The following PARD3B variants were observed in gnomAD, a reference collection of about 807,000 sequenced individuals.
The protein encoded by PARD3B is par-3 family cell polarity regulator beta.
Under a neutral mutation model 130.2 loss-of-function variants are expected in PARD3B, and 103 were observed. The observed-to-expected ratio is 0.79, with a 90% CI of 0.67 to 0.93. The LOEUF (loss-of-function observed/expected upper bound fraction) is 0.93, where lower values mean the gene tolerates loss of function less well. PARD3B is among the 40% of genes least tolerant of loss of function. The probability of loss-of-function intolerance (pLI) is 0.00; values close to 1 mark genes in which losing one functional copy is unlikely to be tolerated. For missense variants in PARD3B, 1,609 were observed against 1,499.2 expected (o/e 1.07, Z -1.21); for synonymous variants, 583 against 553.2 (o/e 1.05, Z -0.76).
intron 16 of PARD3B, among the ~76,000 whole-genome samples, chr2:205,250,049 C>T (rs138028551): frequency 2.8e-4 from 42 of 151,768 alleles, no homozygotes; most frequent in African/African-American, 7.2e-4. Context: ...AAATTTAGCA[C>T]AGCTTTTTTT....
At chr2:204,884,855 C>T (rs969403969) in intron 2 of PARD3B, among the ~76,000 whole-genome samples, 1 of 152,110 alleles carries the variant, frequency 6.6e-6, no homozygotes, top group African/African-American at 2.4e-5. Flanking sequence ...TATATATGTA[C>T]CATATTTTCT....
chr2:205,598,148 C>G (rs749520666), intron 22 of PARD3B, among the ~76,000 whole-genome samples: 4 of 152,116 alleles, frequency 2.6e-5, no homozygotes, highest in African/African-American at 9.7e-5. Context: ...TAAACACTCC[C>G]GTTTAAAAGG....
At chr2:204,952,568 A>G (rs1057084399) in intron 2 of PARD3B, among the ~76,000 whole-genome samples, 28 of 152,228 alleles carry the variant, frequency 1.8e-4, no homozygotes, top group African/African-American at 6.8e-4. Context: ...TGCAAAAATA[A>G]AAGACAACTT....
At chr2:205,129,702 G>A (rs2031813683) in intron 10 of PARD3B, among the ~76,000 whole-genome samples, 1 of 152,180 alleles carries the variant, frequency 6.6e-6, no homozygotes, top group South Asian at 2.1e-4. Context: ...GCACTGCACT[G>A]CCTAGTTTCC....
At chr2:204,997,565 G>C (rs1423080420) in intron 3 of PARD3B, among the ~76,000 whole-genome samples, 1 of 152,070 alleles carries the variant, frequency 6.6e-6, no homozygotes, top group African/African-American at 2.4e-5. Context: ...AAATTCAGTT[G>C]ATTTTTTTAA....
intron 2 of PARD3B, among the ~76,000 whole-genome samples, chr2:204,706,294 G>A (rs1227244581): frequency 1.3e-5 from 2 of 151,604 alleles, no homozygotes; most frequent in African/African-American, 4.9e-5. Context: ...TTGAACCTAG[G>A]AGGCAGAGGT....
chr2:205,110,229 A>G (rs1327631002), intron 5 of PARD3B, among the ~76,000 whole-genome samples: 2 of 152,214 alleles, frequency 1.3e-5, no homozygotes, highest in African/African-American at 4.8e-5. Flanking sequence ...TGTGTAAAGA[A>G]ATGAGACTTA....
intron 15 of PARD3B, among the ~76,000 whole-genome samples, chr2:205,209,859 A>G (rs1370848066): frequency 6.6e-6 from 1 of 152,086 alleles, no homozygotes; most frequent in Non-Finnish European, 1.5e-5. Flanking sequence ...CAGAGTGACT[A>G]TAGTCAATAA....
At chr2:205,515,424 C>T (rs1385228549) in intron 21 of PARD3B, among the ~76,000 whole-genome samples, 1 of 152,132 alleles carries the variant, frequency 6.6e-6, no homozygotes, top group Non-Finnish European at 1.5e-5. Flanking sequence ...CACCATACTG[C>T]TTTCCACAAT....
chr2:205,050,002 T>C (rs1409823085), intron 4 of PARD3B, among the ~76,000 whole-genome samples: 2 of 152,038 alleles, frequency 1.3e-5, no homozygotes, highest in East Asian at 1.9e-4. Flanking sequence ...CCATGAATAC[T>C]TTAAGCTTTA....
intron 1 of PARD3B, among the ~76,000 whole-genome samples, chr2:204,562,015 T>C (rs774857825): frequency 6.6e-6 from 1 of 152,194 alleles, no homozygotes; most frequent in Non-Finnish European, 1.5e-5. Context: ...TTTGGACTAA[T>C]AAAGACAGAA....
chr2:205,179,193 A>G (rs1004091628), intron 13 of PARD3B, among the ~76,000 whole-genome samples: 1 of 151,856 alleles, frequency 6.6e-6, no homozygotes. Flanking sequence ...AAGAAAAAAT[A>G]TGTTTCTACA....
intron 1 of PARD3B, among the ~76,000 whole-genome samples, chr2:204,651,194 C>G (rs1015878922): frequency 6.6e-6 from 1 of 152,170 alleles, no homozygotes; most frequent in African/African-American, 2.4e-5. Flanking sequence ...AGCATTAACC[C>G]AAAAGCCCAA....
chr2:205,245,231 C>G (rs1274009889), intron 15 of PARD3B, among the ~76,000 whole-genome samples: 1 of 152,174 alleles, frequency 6.6e-6, no homozygotes, highest in Admixed American at 6.5e-5. Flanking sequence ...TGTTTTCCAT[C>G]TCTTGGGATC....
At position 205,367,402 on chromosome 2, in the gene PARD3B, A is replaced by G. The variant is rs561440833; in HGVS notation, c.2631-33611A>G. Among the ~76,000 whole-genome samples, 4 of 152,322 alleles carry G rather than the reference A, an allele frequency of 2.6e-5. No individual in the cohort carries two copies. In the South Asian group the frequency reaches 8.3e-4, roughly 32 times the overall value. ...GAAATAGGTTTAAACTAAAGCATGC[A>G]GGATTTAAGTTAGATAAAAGAAAGA... On this transcript the variant is annotated intron_variant, in intron 18 of 22. Coordinates refer to ENST00000406610, the MANE Select transcript of PARD3B (RefSeq NM_001302769.2).
At chr2:205,480,717 T>G (rs2049200025) in intron 20 of PARD3B, among the ~76,000 whole-genome samples, 1 of 152,184 alleles carries the variant, frequency 6.6e-6, no homozygotes, top group South Asian at 2.1e-4. Context: ...AGTAGCTCCG[T>G]GCTCTCAACA....
chr2:205,185,247 C>T lies in PARD3B; in HGVS notation c.1925-517C>T, dbSNP rs952492518. Among the ~76,000 whole-genome samples the T allele has an allele frequency of 6.7e-5, 10 of 149,610 alleles. No homozygotes were observed. In the East Asian group the frequency reaches 1.4e-3, roughly 21 times the overall value. On this transcript the variant is annotated intron_variant, in intron 13 of 22. Coordinates refer to ENST00000406610, the MANE Select transcript of PARD3B (RefSeq NM_001302769.2). ...TTATGGCACAGATAGAAAAAAAGAG[C>T]GCACGTTTGTGTGTTTGTGTGTGTG...
intron 2 of PARD3B, among the ~76,000 whole-genome samples, chr2:204,687,303 AC>A (rs1332151311): frequency 1.3e-5 from 2 of 152,192 alleles, no homozygotes; most frequent in East Asian, 3.9e-4. Context: ...TGTAATTAAA[AC>A]CTGTTTTGCT....
intron 15 of PARD3B, among the ~76,000 whole-genome samples, chr2:205,240,929 T>C (rs77754774): frequency 3.9e-4 from 59 of 152,350 alleles, no homozygotes; most frequent in African/African-American, 1.3e-3. Flanking sequence ...GTAAGTATTA[T>C]GTGCACTTTG....
Sources: allele counts gnomAD v4.1 joint callset (sites outside exome capture counted in the v4.1 genomes callset), GRCh38; gene constraint gnomAD v4.1.1; transcripts MANE v1.5; gene names NCBI Gene and HGNC (gene_info 2026-07-23, HGNC 2026-07-21).